SIRT5: variants seen among roughly 807,000 people sequenced by gnomAD.
SIRT5 encodes the protein NAD-dependent protein deacylase sirtuin-5, mitochondrial.
Under a neutral mutation model 40.0 loss-of-function variants are expected in SIRT5, and 26 were observed. The ratio of observed to expected loss-of-function variants is 0.65; its 90% CI spans 0.48 to 0.90. SIRT5 has a LOEUF of 0.90. Among genes scored for constraint, SIRT5 ranks in the 40% least tolerant of loss-of-function variants. The probability of loss-of-function intolerance (pLI) is 0.00; values close to 1 mark genes in which losing one functional copy is unlikely to be tolerated. For missense variants in SIRT5, 401 were observed against 402.4 expected, an observed-to-expected ratio of 1.00 and a Z score of 0.03; for synonymous variants, 146 against 149.1, an observed-to-expected ratio of 0.98 and a Z score of 0.15.
chr6:13,582,271 CT>C (rs1363761436), intron 2 of SIRT5, among the ~76,000 whole-genome samples: 2 of 152,090 alleles, frequency 1.3e-5, no homozygotes, highest in Non-Finnish European at 2.9e-5. Context: ...CTTGTGAATT[CT>C]TTTTTTGTTT....
chr6:13,577,668 T>A (rs911211634), intron 1 of SIRT5, among the ~76,000 whole-genome samples: 5 of 148,428 alleles, frequency 3.4e-5, no homozygotes, highest in Admixed American at 6.7e-5. Flanking sequence ...TATTTATATA[T>A]CCCTATAGAT....
At chr6:13,604,345 C>T (rs1762810185) in intron 9 of SIRT5, 2 of 728,794 alleles carry the variant, frequency 2.7e-6, no homozygotes, top group Non-Finnish European at 4.9e-6. Context: ...AATACCGGAG[C>T]TAGGCAGCTC....
intron 8 of SIRT5, 107 bp from the exon 9 acceptor site, chr6:13,600,727 A>T: frequency 1.2e-6 from 1 of 825,014 alleles, no homozygotes; most frequent in Non-Finnish European, 1.9e-6. Flanking sequence ...GGCTTTTCTC[A>T]CACCTGCAAC....
At chr6:13,598,721 C>T (rs867000453) in intron 7 of SIRT5, among the ~76,000 whole-genome samples, 3 of 148,124 alleles carry the variant, frequency 2.0e-5, no homozygotes, top group Non-Finnish European at 4.4e-5. Context: ...CCCAGCTGCT[C>T]GGGAGGCTGA....
intron 1 of SIRT5, among the ~76,000 whole-genome samples, chr6:13,578,181 G>A (rs994036618): frequency 5.9e-5 from 9 of 152,012 alleles, no homozygotes; most frequent in Non-Finnish European, 1.3e-4. Flanking sequence ...TCCTTTTAAC[G>A]TGTCAGTGAA....
At chr6:13,585,870 G>A (rs777902645) in intron 3 of SIRT5, among the ~76,000 whole-genome samples, 1 of 151,740 alleles carries the variant, frequency 6.6e-6, no homozygotes, top group Non-Finnish European at 1.5e-5. Context: ...CAGTGTAAAA[G>A]TGTTCCTATT....
intron 3 of SIRT5, 144 bp from the exon 4 acceptor site, chr6:13,588,187 T>C (rs1760328386): frequency 1.0e-6 from 1 of 1,002,218 alleles, no homozygotes; most frequent in East Asian, 2.7e-5. Context: ...CACATGGGGA[T>C]GGTGTTTTCA....
chr6:13,583,386 C>T (rs1011093853), intron 2 of SIRT5, among the ~76,000 whole-genome samples: 3 of 150,228 alleles, frequency 2.0e-5, no homozygotes, highest in Non-Finnish European at 4.4e-5. Context: ...CCTCTGCCTC[C>T]GGGGTTCAAG....
intron 9 of SIRT5, chr6:13,604,516 TAAAAC>T: frequency 6.3e-7 from 1 of 1,582,418 alleles, no homozygotes; most frequent in African/African-American, 1.4e-5. Flanking sequence ...TATAAAGAAT[TAAAAC>T]AAGTCATCAT....
chr6:13,603,541 G>A (rs886184915), intron 9 of SIRT5, among the ~76,000 whole-genome samples: 3 of 152,202 alleles, frequency 2.0e-5, no homozygotes, highest in Admixed American at 2.0e-4. Flanking sequence ...CCACAAGCGT[G>A]GCTATAATTT....
In SIRT5 at chr6:13,591,784, C is replaced by T. The variant is rs761550639; in HGVS notation, c.365C>T (p.Ala122Val). ...CCCAACGCCGGGCACCGCGCCATAG[C>T]CGAGTGTGAGACCCGGCTGGGCAAG... ...KEPNAGHRAI[A>V]ECETRLGKQG... is the part of the protein sequence containing the mutation. The change falls in exon 5 of 10, where the codon GCC (alanine) becomes GTC (valine). Residue 122 changes from alanine to valine, a missense_variant. Physicochemically the swap from Ala to Val is moderately conservative, Grantham distance 64. Coordinates refer to ENST00000606117, the MANE Select transcript of SIRT5 (RefSeq NM_012241.5). The T allele has an allele frequency of 6.2e-7, 1 of 1,614,134 alleles. No homozygotes were observed. The highest frequency in any genetic ancestry group is 8.5e-7 in the Non-Finnish European group (1 of 1,179,990).
chr6:13,578,609 T>C, intron 1 of SIRT5, among the ~76,000 whole-genome samples: 1 of 123,250 alleles, frequency 8.1e-6, no homozygotes, highest in Admixed American at 9.4e-5. Flanking sequence ...AGAGCGAGAC[T>C]CCATCTCAAA....
chr6:13,591,833 C>T lies in SIRT5; in HGVS notation c.414C>T (p.Ile138=), dbSNP rs202196150. 6.2e-6 allele frequency: 10 copies of T among 1,614,152 alleles called. No individual in the cohort carries two copies. In the South Asian group the frequency reaches 8.8e-5, roughly 14 times the overall value. ...LGKQGRRVVV[I]TQNIDELHRK... is the part of the protein sequence containing the mutation. ...AGCAGGGCCGGCGAGTCGTGGTCAT[C>T]ACCCAGAACATCGATGAGCTGCACC... Residue 138 remains isoleucine, a synonymous_variant, in exon 5 of 10, where the codon ATC becomes ATT. Coordinates refer to ENST00000606117, the MANE Select transcript of SIRT5 (RefSeq NM_012241.5).
chr6:13,591,704 GT>G lies in SIRT5; in HGVS notation c.286del (p.Ser96ProfsTer26). 7 of 1,605,214 alleles carry G rather than the reference GT, an allele frequency of 4.4e-6. No individual in the cohort carries two copies. The highest frequency in any genetic ancestry group is 6.0e-6 in the Non-Finnish European group (7 of 1,173,802). ...CTCCCCTGGCCTTTGCCCACAACCC[GT>G]CCCGGGTGTGGGAGTTCTACCACTA... Reference protein sequence around the residue: ...ATPLAFAHNPSRVWEFYHYRR... With the variant: ...ATPLAFAHNPXRVWEFYHYRR... On this transcript the variant is annotated frameshift_variant, in exon 5 of 10. Coordinates refer to ENST00000606117, the MANE Select transcript of SIRT5 (RefSeq NM_012241.5). LOFTEE classifies it high-confidence loss of function.
chr6:13,577,208 A>T (rs1758742061), intron 1 of SIRT5, among the ~76,000 whole-genome samples: 2 of 152,226 alleles, frequency 1.3e-5, no homozygotes, highest in South Asian at 4.1e-4. Flanking sequence ...GAATTTTGAT[A>T]GAGATTACAT....
intron 9 of SIRT5, among the ~76,000 whole-genome samples, chr6:13,609,200 G>T (rs1263132991): frequency 6.6e-6 from 1 of 152,158 alleles, no homozygotes; most frequent in African/African-American, 2.4e-5. Context: ...GTTACCTATT[G>T]TTGGAAGGAG....
intron 7 of SIRT5, among the ~76,000 whole-genome samples, chr6:13,598,757 C>G (rs1439462065): frequency 1.4e-5 from 2 of 142,600 alleles, no homozygotes; most frequent in Non-Finnish European, 3.0e-5. Flanking sequence ...ACCTGGGAGG[C>G]AGAGGTTGCA....
chr6:13,603,728 A>G (rs1762721817), intron 9 of SIRT5, among the ~76,000 whole-genome samples: 1 of 152,376 alleles, frequency 6.6e-6, no homozygotes, highest in Admixed American at 6.5e-5. Flanking sequence ...GAAATCATAC[A>G]TCTACACAAA....
At chr6:13,599,212 TC>T in intron 8 of SIRT5, 57 bp downstream of exon 8, 2 of 1,551,228 alleles carry the variant, frequency 1.3e-6, no homozygotes, top group Non-Finnish European at 8.8e-7. Flanking sequence ...ATTTTTTCCT[TC>T]CCCCTCTCCT....
Sources: allele counts gnomAD v4.1 joint callset (sites outside exome capture counted in the v4.1 genomes callset), GRCh38; gene constraint gnomAD v4.1.1; transcripts MANE v1.5; gene names NCBI Gene and HGNC (gene_info 2026-07-23, HGNC 2026-07-21).